POC1B: variants seen among roughly 807,000 people sequenced by gnomAD.
POC1B encodes the protein POC1 centriolar protein homolog B.
In POC1B, 44 loss-of-function variants were observed where a neutral mutation model predicts 60.6. The ratio of observed to expected loss-of-function variants is 0.73; its 90% CI spans 0.57 to 0.93. The LOEUF (loss-of-function observed/expected upper bound fraction) is 0.93. Ranked by LOEUF, POC1B falls within the 40% of genes least tolerant of loss-of-function variation. The probability of loss-of-function intolerance (pLI) is 0.00; values close to 1 mark genes in which losing one functional copy is unlikely to be tolerated. For synonymous variants in POC1B, 180 were observed against 198.9 expected (o/e 0.90, Z 0.80); for missense variants, 555 against 572.3 (o/e 0.97, Z 0.31).
intron 11 of POC1B, among the ~76,000 whole-genome samples, chr12:89,421,676 G>C (rs1880539874): frequency 6.6e-6 from 1 of 152,134 alleles, no homozygotes; most frequent in African/African-American, 2.4e-5. Context: ...TACTCATTCT[G>C]TCACAATCCA....
intron 2 of POC1B, among the ~76,000 whole-genome samples, chr12:89,514,968 C>A (rs1415940209): frequency 6.6e-6 from 1 of 152,110 alleles, no homozygotes; most frequent in Non-Finnish European, 1.5e-5. Flanking sequence ...CTAGATGATG[C>A]CTCTTGTATT....
At chr12:89,451,003 C>T (rs988777752) in intron 10 of POC1B, among the ~76,000 whole-genome samples, 28 of 152,164 alleles carry the variant, frequency 1.8e-4, no homozygotes, top group African/African-American at 6.5e-4. Flanking sequence ...ATGAAACTAG[C>T]TCCCTAGAGT....
At chr12:89,499,794 A>G (rs1869452472) in intron 2 of POC1B, among the ~76,000 whole-genome samples, 1 of 152,278 alleles carries the variant, frequency 6.6e-6, no homozygotes, top group Non-Finnish European at 1.5e-5. Flanking sequence ...TAAATGTGGT[A>G]CGTAAAACAA....
chr12:89,507,527 T>A (rs1475490321), intron 2 of POC1B, among the ~76,000 whole-genome samples: 3 of 152,146 alleles, frequency 2.0e-5, no homozygotes, highest in Non-Finnish European at 4.4e-5. Flanking sequence ...CTTCAACGGG[T>A]CTATTTCGAG....
chr12:89,405,134 G>A, the POC1B span, among the ~76,000 whole-genome samples: 1,065 of 152,224 alleles, frequency 7.0e-3, 18 homozygotes, highest in African/African-American at 0.025. Flanking sequence ...CCCATGGAAC[G>A]CAAGGATTGT....
At chr12:89,447,841 C>T (rs996252119) in intron 10 of POC1B, among the ~76,000 whole-genome samples, 1 of 152,006 alleles carries the variant, frequency 6.6e-6, no homozygotes, top group African/African-American at 2.4e-5. Flanking sequence ...GAAAGTTCCA[C>T]CTATGGGGAC....
intron 4 of POC1B, among the ~76,000 whole-genome samples, chr12:89,483,515 G>T (rs1156788167): frequency 1.3e-5 from 2 of 151,910 alleles, no homozygotes; most frequent in Non-Finnish European, 2.9e-5. Context: ...GGTCTCTCTG[G>T]GGCTTCTTTT....
intron 2 of POC1B, among the ~76,000 whole-genome samples, chr12:89,509,552 G>A (rs1354920696): frequency 6.6e-6 from 1 of 152,084 alleles, no homozygotes; most frequent in African/African-American, 2.4e-5. Context: ...TAAGGAGTAA[G>A]ACAGAAATCT....
intron 2 of POC1B, chr12:89,522,444 G>A (rs1201045892): frequency 8.3e-6 from 3 of 360,942 alleles, no homozygotes; most frequent in African/African-American, 2.1e-5. Flanking sequence ...TGGGATGTGC[G>A]GTGAACTTAC....
intron 2 of POC1B, among the ~76,000 whole-genome samples, chr12:89,517,562 G>A (rs567364180): frequency 6.6e-6 from 1 of 152,104 alleles, no homozygotes; most frequent in Admixed American, 6.5e-5. Context: ...GAACTTGGGA[G>A]ATGGAGGTTG....
chr12:89,472,027 C>T (rs1009379018), intron 5 of POC1B, 141 bp downstream of exon 5: 5 of 636,340 alleles, frequency 7.9e-6, no homozygotes, highest in African/African-American at 1.9e-5. Context: ...CTCAGCCTCC[C>T]GAAGTGCTGG....
intron 2 of POC1B, chr12:89,500,125 T>C: frequency 1.3e-6 from 2 of 1,509,008 alleles, no homozygotes; most frequent in Non-Finnish European, 1.8e-6. Flanking sequence ...ATCTCAAAAA[T>C]GGCTACAGAA....
At chr12:89,427,189 G>A (rs1880801861) in intron 10 of POC1B, 1 of 152,082 alleles carries the variant, frequency 6.6e-6, no homozygotes, top group Non-Finnish European at 1.5e-5. Context: ...ACTGACATAA[G>A]AATAGACATA....
In POC1B at chr12:89,525,967, G is replaced by T; in HGVS notation, c.-72C>A. 1 of 1,546,052 alleles carries T rather than the reference G, an allele frequency of 6.5e-7. No homozygotes were observed. The highest frequency in any genetic ancestry group is 1.2e-5 in the South Asian group (1 of 83,722). On this transcript the variant is annotated 5_prime_UTR_variant, in exon 1 of 12. Coordinates refer to ENST00000313546, the MANE Select transcript of POC1B (RefSeq NM_172240.3). ...GAGGGGAGGGGAGAGGATGGGGAAG[G>T]AGAGGGGACCGTGCGGCTCCCGGAA...
chr12:89,410,763 C>T, the POC1B span, among the ~76,000 whole-genome samples: 19 of 151,674 alleles, frequency 1.3e-4, no homozygotes, highest in Non-Finnish European at 1.8e-4. Flanking sequence ...ATTGGAAGTT[C>T]TGGCCAAGGC....
At chr12:89,470,306 A>G (rs2120844368) in intron 7 of POC1B, 55 bp downstream of exon 7, 9 of 985,156 alleles carry the variant, frequency 9.1e-6, no homozygotes, top group Non-Finnish European at 1.2e-5. Context: ...GAAATTTAAA[A>G]TATATATTAT....
At chr12:89,417,055 A>G (rs1880376593), downstream of POC1B, among the ~76,000 whole-genome samples, 1 of 152,238 alleles carries the variant, frequency 6.6e-6, no homozygotes, top group South Asian at 2.1e-4. Flanking sequence ...CTTCCCTGAA[A>G]TTATTTTCAC....
rs368667227 is a variant in POC1B at position 89,471,636 on chromosome 12, G to C, written c.654C>G (p.Asn218Lys). 2.3e-5 allele frequency: 37 copies of C among 1,610,952 alleles called. No homozygotes were observed. The highest frequency in any genetic ancestry group is 1.6e-4 in the Middle Eastern group (1 of 6,076). ...QTVKVWDVRV[N>K]KLLQHYQVHS... ...TACCTTGGTAATGCTGTAGTAATTT[G>C]TTCACTCTTACATCCCAGACTTTCA... Residue 218 changes from asparagine (N) to lysine (K), a missense_variant, in exon 6 of 12, where the codon AAC becomes AAG. By Grantham distance (94) the Asn-to-Lys change is moderately conservative (BLOSUM62 0). Transcript: ENST00000313546.
intron 2 of POC1B, chr12:89,501,079 C>A: frequency 8.8e-7 from 1 of 1,140,750 alleles, no homozygotes; most frequent in South Asian, 1.3e-5. Flanking sequence ...AAAGGCGGGG[C>A]CTCTGAAACA....
Sources: gnomAD v4.1 joint callset for allele counts (sites outside exome capture counted in the v4.1 genomes callset) on GRCh38, gnomAD v4.1.1 for gene constraint, MANE v1.5 for transcripts, NCBI Gene and HGNC (gene_info 2026-07-23, HGNC 2026-07-21) for gene names.